The following RANBP2 variants were observed in gnomAD, a reference collection of about 807,000 sequenced individuals.
The protein encoded by RANBP2 is RAN binding protein 2.
Under a neutral mutation model 303.6 loss-of-function variants are expected in RANBP2, and 57 were observed. That is an observed-to-expected ratio of 0.19 (90% CI 0.15 to 0.23). The LOEUF is 0.23. Ranked by LOEUF, RANBP2 falls within the 10% of genes least tolerant of loss-of-function variation. The pLI, the probability that RANBP2 is intolerant of heterozygous loss-of-function variation, is 1.00. For missense variants in RANBP2, 3,138 were observed against 3,780.8 expected (o/e 0.83, Z 4.46); for synonymous variants, 1,167 against 1,301.5 (o/e 0.90, Z 2.23).
At chr2:109,542,507 AT>A in the RANBP2 span, among the ~76,000 whole-genome samples, 1 of 152,226 alleles carries the variant, frequency 6.6e-6, no homozygotes, top group African/African-American at 2.4e-5. Context: ...TATAAACAGT[AT>A]GGTCAAATAT....
the RANBP2 span, among the ~76,000 whole-genome samples, chr2:108,962,329 A>G: frequency 6.6e-6 from 1 of 152,336 alleles, no homozygotes; most frequent in Admixed American, 6.5e-5. Flanking sequence ...ATGGAGGATT[A>G]AAGAGTTTGG....
At chr2:109,432,364 ACTGC>A in the RANBP2 span, 1 of 1,113,998 alleles carries the variant, frequency 9.0e-7, no homozygotes, top group South Asian at 1.6e-5. Flanking sequence ...GCCTCTGTAA[ACTGC>A]AGAGCCCCCA....
At chr2:108,928,628 T>C in the RANBP2 span, among the ~76,000 whole-genome samples, 4 of 152,188 alleles carry the variant, frequency 2.6e-5, no homozygotes, top group African/African-American at 9.6e-5. Flanking sequence ...CAGGATTTTC[T>C]GGGGATTGAG....
At chr2:108,954,985 G>A in the RANBP2 span, among the ~76,000 whole-genome samples, 1 of 151,976 alleles carries the variant, frequency 6.6e-6, no homozygotes, top group Non-Finnish European at 1.5e-5. Context: ...GACCTGGCCG[G>A]GAAGATAATC....
the RANBP2 span, among the ~76,000 whole-genome samples, chr2:109,475,049 C>T: frequency 3.9e-5 from 6 of 152,314 alleles, no homozygotes; most frequent in South Asian, 1.2e-3. Context: ...GCGATCTCTG[C>T]TCACTGCAAC....
chr2:109,344,071 C>G, the RANBP2 span, among the ~76,000 whole-genome samples: 1 of 152,142 alleles, frequency 6.6e-6, no homozygotes, highest in East Asian at 1.9e-4. Flanking sequence ...AACTTTCCCC[C>G]CTGTATCCCC....
chr2:109,243,371 A>G, the RANBP2 span, among the ~76,000 whole-genome samples: 39 of 152,204 alleles, frequency 2.6e-4, no homozygotes, highest in Non-Finnish European at 4.0e-4. Flanking sequence ...CCCTTACCAG[A>G]TATTCCCGGG....
At chr2:109,104,672 CG>C in the RANBP2 span, among the ~76,000 whole-genome samples, 7 of 151,794 alleles carry the variant, frequency 4.6e-5, no homozygotes, top group East Asian at 1.2e-3. Context: ...TTAGTAGAGA[CG>C]GGGGTTTCAC....
the RANBP2 span, chr2:109,614,708 C>T: frequency 6.7e-7 from 1 of 1,488,434 alleles, no homozygotes; most frequent in South Asian, 1.3e-5. Flanking sequence ...CCGCCGACGG[C>T]GCCAAGTACG....
At chr2:109,615,090 GCCCGCCAGAAC>G in the RANBP2 span, 1 of 1,549,580 alleles carries the variant, frequency 6.5e-7, no homozygotes, top group Non-Finnish European at 8.7e-7. Context: ...ACAGAGGCCG[GCCCGCCAGAAC>G]CTCCGTGACC....
chr2:108,832,274 G>C, the RANBP2 span, among the ~76,000 whole-genome samples: 1 of 150,878 alleles, frequency 6.6e-6, no homozygotes, highest in African/African-American at 2.4e-5. Context: ...TGATCTGCCT[G>C]CCTCAGCCTC....
chr2:109,278,099 C>T, the RANBP2 span, among the ~76,000 whole-genome samples: 1 of 151,716 alleles, frequency 6.6e-6, no homozygotes, highest in African/African-American at 2.4e-5. Context: ...ATGGCTTGAG[C>T]CCAGGAGGTC....
chr2:109,078,215 ATATATATAGCGTG>A, the RANBP2 span, among the ~76,000 whole-genome samples: 53 of 65,046 alleles, frequency 8.1e-4, 4 homozygotes, highest in Non-Finnish European at 1.4e-3. Context: ...TATAGCGTAT[ATATATATAGCGTG>A]TATATATATA....
At chr2:109,139,561 A>T in the RANBP2 span, among the ~76,000 whole-genome samples, 2 of 152,168 alleles carry the variant, frequency 1.3e-5, no homozygotes, top group Admixed American at 1.3e-4. Flanking sequence ...GAGTTTTAAA[A>T]ATTAATTTAA....
intron 6 of RANBP2, among the ~76,000 whole-genome samples, chr2:108,737,568 T>TTTG (rs1439332389): frequency 6.7e-6 from 1 of 149,660 alleles, no homozygotes; most frequent in East Asian, 2.0e-4. Context: ...TTTTTTTTTT[T>TTTG]TGAGACTGAG....
chr2:109,623,751 T>A, the RANBP2 span, among the ~76,000 whole-genome samples: 1 of 152,164 alleles, frequency 6.6e-6, no homozygotes. Flanking sequence ...AATCAACCTC[T>A]AGAAAACCAT....
chr2:109,077,872 G>A, the RANBP2 span, among the ~76,000 whole-genome samples: 1 of 148,888 alleles, frequency 6.7e-6, no homozygotes, highest in Non-Finnish European at 1.5e-5. Flanking sequence ...ATGCAAATTG[G>A]CGTACCTATT....
At chr2:109,195,633 C>T in the RANBP2 span, among the ~76,000 whole-genome samples, 4 of 152,298 alleles carry the variant, frequency 2.6e-5, no homozygotes, top group Non-Finnish European at 5.9e-5. Context: ...CCTCTTTCCC[C>T]GCAGGCAGCC....
chr2:109,696,659 T>TA, the RANBP2 span, among the ~76,000 whole-genome samples: 6 of 152,214 alleles, frequency 3.9e-5, no homozygotes, highest in Non-Finnish European at 5.9e-5. Flanking sequence ...AGCTTAAGTT[T>TA]AAAAAAACCT....
Sources: gnomAD v4.1 joint callset for allele counts (sites outside exome capture counted in the v4.1 genomes callset) on GRCh38, gnomAD v4.1.1 for gene constraint, MANE v1.5 for transcripts, NCBI Gene and HGNC (gene_info 2026-07-23, HGNC 2026-07-21) for gene names.